SEPTIN5: variants seen among roughly 807,000 people sequenced by gnomAD.
SEPTIN5 encodes the protein septin-5.
A neutral mutation model predicts 51.2 loss-of-function variants in SEPTIN5; 16 were observed. The ratio of observed to expected loss-of-function variants is 0.31; its 90% CI spans 0.21 to 0.47. The LOEUF (loss-of-function observed/expected upper bound fraction) is 0.47, where lower values mean the gene tolerates loss of function less well. Among genes scored for constraint, SEPTIN5 ranks in the 20% least tolerant of loss-of-function variants. The probability of loss-of-function intolerance (pLI) is 0.99; values close to 1 mark genes in which losing one functional copy is unlikely to be tolerated. For missense variants in SEPTIN5, 376 were observed against 500.3 expected, an observed-to-expected ratio of 0.75 and a Z score of 2.37; for synonymous variants, 208 against 191.2, an observed-to-expected ratio of 1.09 and a Z score of -0.72.
At chr22:19,718,806 G>T in intron 2 of SEPTIN5, 1 of 1,237,816 alleles carries the variant, frequency 8.1e-7, no homozygotes, top group Non-Finnish European at 1.0e-6. Flanking sequence ...CCCAGGCCCA[G>T]AGGCGGCTCA....
At chr22:19,721,761 G>A (rs773307401) in intron 9 of SEPTIN5, 25 bp downstream of exon 9, 19 of 1,601,744 alleles carry the variant, frequency 1.2e-5, no homozygotes, top group Non-Finnish European at 1.5e-5. Context: ...GGGGTACCAG[G>A]TCTGGTGGGG....
chr22:19,720,984 G>T, intron 8 of SEPTIN5, 115 bp downstream of exon 8: 2 of 861,038 alleles, frequency 2.3e-6, no homozygotes, highest in South Asian at 2.8e-5. Context: ...GCCCAGTTGG[G>T]TGCAAGAGTC....
chr22:19,719,489 C>T, intron 2 of SEPTIN5, 113 bp from the exon 3 acceptor site: 1 of 838,266 alleles, frequency 1.2e-6, no homozygotes, highest in Non-Finnish European at 1.8e-6. Flanking sequence ...CGAAATGCCC[C>T]ACCCTGGGAA....
Position 19,720,836 on chromosome 22 carries a change from TGAG to T in SEPTIN5, c.687_689del (p.Glu229del). On this transcript the variant is annotated inframe_deletion, in exon 8 of 12. Transcript: ENST00000455784. ...TCCCTGAGTGTGACTCGGACGAGGA[TGAG>T]GACTTCAAGCAGCAGGACCGGGAAC... 1 of 1,613,566 alleles carries T rather than the reference TGAG, an allele frequency of 6.2e-7. No individual in the cohort carries two copies. Among genetic ancestry groups the T allele is most frequent in the Non-Finnish European group, 8.5e-7 (1 of 1,179,966 alleles).
chr22:19,716,733 A>G (rs567151712), intron 2 of SEPTIN5, among the ~76,000 whole-genome samples: 1 of 152,248 alleles, frequency 6.6e-6, no homozygotes, highest in South Asian at 2.1e-4. Flanking sequence ...TGCCTTACCA[A>G]TGGGGAAACT....
chr22:19,723,154 C>A lies in SEPTIN5; in HGVS notation c.*670C>A, dbSNP rs1031738342. On this transcript the variant is annotated 3_prime_UTR_variant, in exon 12 of 12. Transcript: ENST00000455784. ...CTCGGTGCCGTCCCCTGCCCTCGCT[C>A]GAGGCCTCTTCTCCCCAGCACCGCT... 1.8e-6 allele frequency: 1 copy of A among 564,682 alleles called. No homozygotes were observed. The highest frequency in any genetic ancestry group is 3.4e-6 in the Non-Finnish European group (1 of 297,412). 35.0% of individuals were successfully genotyped at this position (564,682 alleles called of 1,614,324 possible). A position where few individuals can be genotyped will look rare whatever the true frequency, so the allele number is the denominator to read the frequency against.
chr22:19,719,089 G>C (rs1899351398), intron 2 of SEPTIN5: 1 of 333,728 alleles, frequency 3.0e-6, no homozygotes, highest in African/African-American at 2.1e-5. Flanking sequence ...CTGGGCGCGC[G>C]GGCGGGGGAG....
Position 19,714,600 on chromosome 22 carries a change from C to T in SEPTIN5, c.12C>T (p.Gly4=). MST[G]LRYKSKLATP... ...CGCCGGCGGCCACCATGAGCACAGGCCTGCGGTACAAGAGCAAGCTGGCGA... is the reference window on the plus strand; with the variant it reads ...CGCCGGCGGCCACCATGAGCACAGGTCTGCGGTACAAGAGCAAGCTGGCGA... Residue 4 remains glycine, a synonymous_variant, in exon 1 of 12, where the codon GGC becomes GGT. Coordinates refer to ENST00000455784, the MANE Select transcript of SEPTIN5 (RefSeq NM_002688.6). This position sits in a 1 kb window ranked among gnomAD's most constrained non-coding sequence, Gnocchi z 5.2. The T allele has an allele frequency of 6.7e-7, 1 of 1,494,108 alleles. No homozygotes were observed. The highest frequency in any genetic ancestry group is 2.8e-5 in the East Asian group (1 of 36,206). The allele number at this position is 1,494,108 out of a possible 1,614,324, so 92.6% of individuals were successfully genotyped here.
Position 19,723,130 on chromosome 22 carries a change from T to TCGGTGC in SEPTIN5, c.*649_*654dup, listed in dbSNP as rs1936084966. The TCGGTGC allele has an allele frequency of 2.9e-5, 16 of 550,702 alleles. No homozygotes were observed. The highest frequency in any genetic ancestry group is 2.5e-4 in the South Asian group (16 of 65,284). The allele number at this position is 550,702 out of a possible 1,614,324, so 34.1% of individuals were successfully genotyped here. On this transcript the variant is annotated 3_prime_UTR_variant, in exon 12 of 12. Coordinates refer to ENST00000455784, the MANE Select transcript of SEPTIN5 (RefSeq NM_002688.6). ...GCGGTGAGCCACCTCCTGGCAACTC[T>TCGGTGC]CGGTGCCGTCCCCTGCCCTCGCTCG...
Position 19,714,933 on chromosome 22 carries a change from G to A in SEPTIN5, c.54+142G>A. 8.7e-7 allele frequency: 1 copy of A among 1,147,380 alleles called. No individual in the cohort carries two copies. The highest frequency in any genetic ancestry group is 1.2e-6 in the Non-Finnish European group (1 of 837,338). 71.1% of individuals were successfully genotyped at this position (1,147,380 alleles called of 1,614,324 possible). On this transcript the variant is annotated intron_variant, in intron 2 of 11. Coordinates refer to ENST00000455784, the MANE Select transcript of SEPTIN5 (RefSeq NM_002688.6). The surrounding 1 kb of genome is among the most constrained non-coding windows in gnomAD (Gnocchi z 5.2). Reference sequence around the variant, plus strand: ...GTCGCGATCACCGATTGTCAGCCGGGCAGTGCCGCCGCGCCTGGGGCTTCA... The same window carrying A: ...GTCGCGATCACCGATTGTCAGCCGGACAGTGCCGCCGCGCCTGGGGCTTCA...
chr22:19,718,377 C>T, intron 2 of SEPTIN5: 5 of 1,014,166 alleles, frequency 4.9e-6, no homozygotes, highest in Non-Finnish European at 5.9e-6. Context: ...TTCCAGGCGA[C>T]CGTTTCCCGG....
At position 19,720,565 on chromosome 22, in the gene SEPTIN5, G is replaced by T. The variant is rs1320976688; in HGVS notation, c.514G>T (p.Val172Leu). The change falls in exon 7 of 12, where the codon GTG becomes TTG. Residue 172 changes from valine to leucine, a missense_variant. Physicochemically the swap from Val to Leu is conservative, Grantham distance 32. Transcript: ENST00000455784. ...PFGHGLRPVD[V>L]GFMKALHEKV... ...TCTCGGCAGGCTGCGGCCAGTGGATGTGGGTTTCATGAAGGCATTGCATGA... is the reference window on the plus strand; with the variant it reads ...TCTCGGCAGGCTGCGGCCAGTGGATTTGGGTTTCATGAAGGCATTGCATGA... The T allele has an allele frequency of 1.2e-6, 2 of 1,613,012 alleles. No individual in the cohort carries two copies. Among genetic ancestry groups the T allele is most frequent in the Middle Eastern group, 1.6e-4 (1 of 6,084 alleles).
intron 5 of SEPTIN5, 33 bp from the exon 6 acceptor site, chr22:19,720,287 C>T (rs200494938): frequency 2.6e-5 from 42 of 1,613,398 alleles, no homozygotes; most frequent in Non-Finnish European, 3.0e-5. Context: ...CCACAGCACT[C>T]GAGGCCTGGC....
chr22:19,718,356 C>A, intron 2 of SEPTIN5: 1 of 989,236 alleles, frequency 1.0e-6, no homozygotes, highest in Non-Finnish European at 1.2e-6. Flanking sequence ...TGGCTCCGCC[C>A]GCGGCCCAAT....
chr22:19,720,965 GC>G, intron 8 of SEPTIN5, 96 bp downstream of exon 8: 1 of 1,062,624 alleles, frequency 9.4e-7, no homozygotes, highest in Non-Finnish European at 1.4e-6. Flanking sequence ...CTGGAGGAGG[GC>G]CAGGTCAGCC....
rs1377643359 is a variant in SEPTIN5, at chr22:19,723,118, T to A, written c.*634T>A. 2.2e-5 allele frequency: 12 copies of A among 543,140 alleles called. No homozygotes were observed. Among genetic ancestry groups the A allele is most frequent in the Admixed American group, 2.2e-5 (1 of 45,098 alleles). The allele number at this position is 543,140 out of a possible 1,614,324, so 33.6% of individuals were successfully genotyped here. On this transcript the variant is annotated 3_prime_UTR_variant, in exon 12 of 12. Transcript: ENST00000455784. ...CCGGGGCACTGGGCGGTGAGCCACC[T>A]CCTGGCAACTCTCGGTGCCGTCCCC...
At position 19,722,589 on chromosome 22, in the gene SEPTIN5, A is replaced by C. The variant is rs1936070008; in HGVS notation, c.*105A>C. The C allele has an allele frequency of 1.4e-5, 17 of 1,227,416 alleles. No individual in the cohort carries two copies. The highest frequency in any genetic ancestry group is 2.0e-5 in the Non-Finnish European group (17 of 866,776). 76.0% of individuals were successfully genotyped at this position (1,227,416 alleles called of 1,614,324 possible). A position where few individuals can be genotyped will look rare whatever the true frequency, so the allele number is the denominator to read the frequency against. ...GACGCGGGGCCACAGCCCCCAGCTG[A>C]CCCTAATTTATTCTCAGCACCACCC... On this transcript the variant is annotated 3_prime_UTR_variant, in exon 12 of 12. Transcript: ENST00000455784.
rs1452415910 is a variant in SEPTIN5 at position 19,722,295 on chromosome 22, C to T, written c.1009C>T (p.Pro337Ser). 6.2e-7 allele frequency: 1 copy of T among 1,611,736 alleles called. No homozygotes were observed. Among genetic ancestry groups the T allele is most frequent in the Non-Finnish European group, 8.5e-7 (1 of 1,179,494 alleles). The change falls in exon 11 of 12, where the codon CCG (proline) becomes TCG (serine). Residue 337 changes from proline (P) to serine (S), a missense_variant. Physicochemically the swap from Pro to Ser is moderately conservative, Grantham distance 74 (BLOSUM62 -1). Around this residue, in one of 2 missense-constraint regions of SEPTIN5, gnomAD observed 89 missense variants for 83.3 expected, o/e 1.07. Coordinates refer to ENST00000455784, the MANE Select transcript of SEPTIN5 (RefSeq NM_002688.6). ...CATCCCGATCCTGCCGCTGCCCACC[C>T]CGGACGCCGAGACTGAGAAGCTTAT... is the stretch of plus-strand genomic sequence containing the variant. The part of the protein sequence containing the change: ...SPIPILPLPT[P>S]DAETEKLIRM...
Position 19,723,117 on chromosome 22 carries a change from C to T in SEPTIN5, c.*633C>T, listed in dbSNP as rs1936084631. 2 of 544,622 alleles carry T rather than the reference C, an allele frequency of 3.7e-6. No homozygotes were observed. Among genetic ancestry groups the T allele is most frequent in the Non-Finnish European group, 3.5e-6 (1 of 283,666 alleles). The allele number at this position is 544,622 out of a possible 1,614,324, so 33.7% of individuals were successfully genotyped here. On this transcript the variant is annotated 3_prime_UTR_variant, in exon 12 of 12. Coordinates refer to ENST00000455784, the MANE Select transcript of SEPTIN5 (RefSeq NM_002688.6). ...CCCGGGGCACTGGGCGGTGAGCCAC[C>T]TCCTGGCAACTCTCGGTGCCGTCCC...
Sources: allele counts gnomAD v4.1 joint callset (sites outside exome capture counted in the v4.1 genomes callset), GRCh38; gene constraint gnomAD v4.1.1; regional missense constraint gnomAD v4.1.1; non-coding constraint Gnocchi (gnomAD v3.1); transcripts MANE v1.5; gene names NCBI Gene and HGNC (gene_info 2026-07-23, HGNC 2026-07-21).